STIM1: variants seen among roughly 807,000 people sequenced by gnomAD.
STIM1 encodes stromal interaction molecule 1.
STIM1 carries 25 observed loss-of-function variants against 74.7 expected under a neutral mutation model. The ratio of observed to expected loss-of-function variants is 0.33; its 90% CI spans 0.24 to 0.47. STIM1 has a LOEUF of 0.47. Among genes scored for constraint, STIM1 ranks in the 20% least tolerant of loss-of-function variants. The pLI, the probability that STIM1 is intolerant of heterozygous loss-of-function variation, is 1.00. For missense variants in STIM1, 728 were observed against 920.8 expected (o/e 0.79, Z 2.71); for synonymous variants, 328 against 348.8 (o/e 0.94, Z 0.66).
chr11:3,885,510 G>A (rs11600857), intron 1 of STIM1, among the ~76,000 whole-genome samples: 11,848 of 152,236 alleles, frequency 0.078, 624 homozygotes, highest in Middle Eastern at 0.14. Flanking sequence ...TGAGTTTGCT[G>A]AGAACTATTG....
rs2093658501 is a variant in STIM1, at chr11:3,995,827, T to C, written c.271-28046T>C. On this transcript the variant is annotated intron_variant, in intron 2 of 12. Transcript: ENST00000526596. Reference sequence around the variant, plus strand: ...ACCTGGCTTCTTTTTTTTTTTTTTTTTTAAGTTCTGGGATATATGTGCAGG... The same window carrying C: ...ACCTGGCTTCTTTTTTTTTTTTTTTCTTAAGTTCTGGGATATATGTGCAGG... Among the ~76,000 whole-genome samples the C allele has an allele frequency of 2.6e-5, 4 of 151,174 alleles. No homozygotes were observed. The South Asian group carries it at 8.4e-4, about 32-fold the overall frequency.
chr11:3,994,463 C>CTTTTTTTTT (rs56255114), intron 2 of STIM1, among the ~76,000 whole-genome samples: 1 of 134,388 alleles, frequency 7.4e-6, no homozygotes, highest in Non-Finnish European at 1.6e-5. Flanking sequence ...CTTTTTCTTT[C>CTTTTTTTTT]TTTTTTTTTT....
rs1554963559 is a variant in STIM1 at position 3,992,081 on chromosome 11, G to GTTT, written c.270+24404_270+24406dup. On this transcript the variant is annotated intron_variant, in intron 2 of 12. Coordinates refer to ENST00000526596, the MANE Select transcript of STIM1 (RefSeq NM_001382567.1). ...TTTCTCTGCAGCCTTGCCAACATCTGTTTTTTTGTTTTTTTTTTTTTTTTT... is the reference window on the plus strand; with the variant it reads ...TTTCTCTGCAGCCTTGCCAACATCTGTTTTTTTTTTGTTTTTTTTTTTTTTTTT... Among the ~76,000 whole-genome samples, 546 of 91,664 alleles carry GTTT rather than the reference G, an allele frequency of 6.0e-3. 39 individuals carry two copies. The highest frequency in any genetic ancestry group is 0.024 in the African/African-American group (513 of 21,052). 60.1% of individuals were successfully genotyped at this position (91,664 alleles called of 152,430 possible). A position where few individuals can be genotyped will look rare whatever the true frequency, so the allele number is the denominator to read the frequency against.
intron 1 of STIM1, among the ~76,000 whole-genome samples, chr11:3,938,199 A>G (rs1427674741): frequency 1.3e-5 from 2 of 152,074 alleles, no homozygotes; most frequent in Non-Finnish European, 2.9e-5. Flanking sequence ...TGGCCCCCCA[A>G]AGTGCTGGGA....
At position 4,023,892 on chromosome 11, in the gene STIM1, A is replaced by G; in HGVS notation, c.290A>G (p.Asn97Ser). Residue 97 changes from asparagine (N) to serine (S), a missense_variant, in exon 3 of 13, where the codon AAT (asparagine) becomes AGT (serine). Around this residue, in one of 5 missense-constraint regions of STIM1, gnomAD observed 51 missense variants for 101.1 expected, o/e 0.50. Coordinates refer to ENST00000526596, the MANE Select transcript of STIM1 (RefSeq NM_001382567.1). ...ESDEFLREDL[N>S]YHDPTVKHST... ...TTGCAGTTCCTGAGGGAAGACCTCA[A>G]TTACCATGACCCAACAGTGAAACAC... is the stretch of plus-strand genomic sequence containing the variant. 3 of 1,614,026 alleles carry G rather than the reference A, an allele frequency of 1.9e-6. No homozygotes were observed. Among genetic ancestry groups the G allele is most frequent in the Non-Finnish European group, 1.7e-6 (2 of 1,179,942 alleles).
chr11:3,897,996 G>C (rs977841940), intron 1 of STIM1, among the ~76,000 whole-genome samples: 4 of 152,176 alleles, frequency 2.6e-5, no homozygotes, highest in African/African-American at 9.7e-5. Flanking sequence ...TGTCTTTATA[G>C]CAGCATGATT....
At chr11:3,863,618 C>G (rs1376561412) in intron 1 of STIM1, among the ~76,000 whole-genome samples, 1 of 152,022 alleles carries the variant, frequency 6.6e-6, no homozygotes, top group Non-Finnish European at 1.5e-5. Context: ...AAATTGCACA[C>G]CATTTTGAGT....
chr11:3,890,062 C>T (rs571921083), intron 1 of STIM1, among the ~76,000 whole-genome samples: 6 of 152,064 alleles, frequency 3.9e-5, no homozygotes, highest in Admixed American at 6.6e-5. Context: ...CCATGTGTTT[C>T]GACAGTTTCA....
intron 5 of STIM1, among the ~76,000 whole-genome samples, chr11:4,067,903 T>C (rs956926022): frequency 2.6e-5 from 4 of 152,242 alleles, no homozygotes; most frequent in African/African-American, 9.6e-5. Flanking sequence ...CTGGCATATA[T>C]AGGCAAGTGA....
At chr11:3,871,219 A>C (rs2091083804) in intron 1 of STIM1, among the ~76,000 whole-genome samples, 2 of 152,090 alleles carry the variant, frequency 1.3e-5, no homozygotes, top group African/African-American at 4.8e-5. Context: ...CCCTTCCCTC[A>C]GGGTCTTCTG....
In STIM1 at chr11:3,871,100, C is replaced by T. The variant is rs201587817; in HGVS notation, c.139+14691C>T. 1.4e-4 allele frequency among the ~76,000 whole-genome samples: 22 copies of T among 151,984 alleles called. 1 individual carries two copies. In the East Asian group the frequency reaches 3.5e-3, roughly 24 times the overall value. ...GTTAGCTAGGATGGTATCTCTTGAC[C>T]TCATGATCTGCTTGCTTCGGCCTCC... On this transcript the variant is annotated intron_variant, in intron 1 of 12. Transcript: ENST00000526596.
intron 2 of STIM1, among the ~76,000 whole-genome samples, chr11:3,979,312 C>A (rs2093479191): frequency 6.6e-6 from 1 of 152,184 alleles, no homozygotes; most frequent in Non-Finnish European, 1.5e-5. Context: ...TACATGCTGC[C>A]AGTGATCTTC....
chr11:3,900,390 G>A (rs193113953), intron 1 of STIM1, among the ~76,000 whole-genome samples: 43 of 152,292 alleles, frequency 2.8e-4, no homozygotes, highest in African/African-American at 1.0e-3. Flanking sequence ...CACTTCCCGA[G>A]TGAGGCAATG....
At chr11:3,998,485 C>T (rs879727923) in intron 2 of STIM1, among the ~76,000 whole-genome samples, 2 of 152,130 alleles carry the variant, frequency 1.3e-5, no homozygotes, top group Non-Finnish European at 2.9e-5. Context: ...AGGACAAACT[C>T]GAGAGACACT....
intron 2 of STIM1, among the ~76,000 whole-genome samples, chr11:4,012,268 G>T (rs902798370): frequency 3.9e-5 from 6 of 152,148 alleles, no homozygotes; most frequent in African/African-American, 9.7e-5. Flanking sequence ...AAGAAAGTCA[G>T]TGGTAGCTTG....
At chr11:4,082,742 T>G (rs939045568) in intron 8 of STIM1, 140 bp from the exon 9 acceptor site, 8 of 716,360 alleles carry the variant, frequency 1.1e-5, no homozygotes, top group Middle Eastern at 3.5e-4. Context: ...GCCTTTCTCT[T>G]TTTCCTCTTT....
chr11:4,013,105 G>A (rs942249656), intron 2 of STIM1, among the ~76,000 whole-genome samples: 6 of 152,232 alleles, frequency 3.9e-5, no homozygotes, highest in African/African-American at 1.2e-4. Context: ...GCTTTTTGAT[G>A]TGCTGCTGTA....
intron 3 of STIM1, among the ~76,000 whole-genome samples, chr11:4,029,644 G>A (rs2094031068): frequency 6.6e-6 from 1 of 152,128 alleles, no homozygotes; most frequent in Non-Finnish European, 1.5e-5. Flanking sequence ...GTGTGCGTAT[G>A]TGTGCCCTGC....
At chr11:4,079,800 A>G (rs1006125918) in intron 7 of STIM1, among the ~76,000 whole-genome samples, 1 of 152,210 alleles carries the variant, frequency 6.6e-6, no homozygotes, top group Admixed American at 6.5e-5. Flanking sequence ...AAACATATAG[A>G]TAAGTGTTTA....
Sources: allele counts gnomAD v4.1 joint callset (sites outside exome capture counted in the v4.1 genomes callset), GRCh38; gene constraint gnomAD v4.1.1; regional missense constraint gnomAD v4.1.1; transcripts MANE v1.5; gene names NCBI Gene and HGNC (gene_info 2026-07-23, HGNC 2026-07-21).